The following C1D variants were observed in gnomAD, a reference collection of about 807,000 sequenced individuals.
C1D encodes C1D nuclear receptor corepressor, also known as nuclear nucleic acid-binding protein C1D.
Under a neutral mutation model 17.5 loss-of-function variants are expected in C1D, and 10 were observed. The observed-to-expected ratio is 0.57, with a 90% CI of 0.35 to 0.97. C1D has a LOEUF of 0.97. Ranked by LOEUF, C1D falls within the 50% of genes least tolerant of loss-of-function variation. The probability of loss-of-function intolerance (pLI) is 0.01; values close to 1 mark genes in which losing one functional copy is unlikely to be tolerated. For synonymous variants in C1D, 49 were observed against 54.0 expected, an observed-to-expected ratio of 0.91 and a Z score of 0.40; for missense variants, 136 against 160.1, an observed-to-expected ratio of 0.85 and a Z score of 0.81.
intron 1 of C1D, among the ~76,000 whole-genome samples, chr2:68,055,846 T>C (rs1035893553): frequency 1.1e-4 from 17 of 152,196 alleles, no homozygotes; most frequent in Non-Finnish European, 1.8e-4. Context: ...ATTATTTCTA[T>C]AGTGAAATTA....
At chr2:68,047,130 GT>G (rs1671149219) in intron 2 of C1D, 42 bp downstream of exon 2, 2 of 1,543,148 alleles carry the variant, frequency 1.3e-6, no homozygotes, top group South Asian at 2.4e-5. Context: ...ATAGCATTCT[GT>G]TTTATGAAAT....
chr2:68,049,189 T>C (rs377191536), intron 1 of C1D, among the ~76,000 whole-genome samples: 61 of 146,936 alleles, frequency 4.2e-4, no homozygotes, highest in African/African-American at 1.5e-3. Flanking sequence ...AGAGTTAGAC[T>C]GTCTCTCAAA....
intron 1 of C1D, among the ~76,000 whole-genome samples, chr2:68,058,677 T>C (rs111822254): frequency 2.6e-5 from 4 of 152,292 alleles, no homozygotes; most frequent in African/African-American, 9.6e-5. Context: ...AAATCTTTAA[T>C]ACAACATATA....
chr2:68,046,604 T>C (rs1332992701), intron 2 of C1D, 194 bp from the exon 3 acceptor site: 1 of 507,900 alleles, frequency 2.0e-6, no homozygotes, highest in Non-Finnish European at 3.5e-6. Context: ...AATGAGTGAC[T>C]TTTGTCCACA....
chr2:68,045,799 T>C lies in C1D; in HGVS notation c.261+189A>G, dbSNP rs573441210. Reference sequence around the variant, plus strand: ...TAACATTTTCCCATTCCGAGATTTATATAATATATGGAATACCAATTATCT... The same window carrying C: ...TAACATTTTCCCATTCCGAGATTTACATAATATATGGAATACCAATTATCT... On this transcript the variant is annotated intron_variant, in intron 4 of 4. Transcript: ENST00000410067. Among the ~76,000 whole-genome samples, 274 of 152,098 alleles carry C rather than the reference T, an allele frequency of 1.8e-3. No homozygotes were observed. Among genetic ancestry groups the C allele is most frequent in the Admixed American group, 5.9e-3 (90 of 15,290 alleles).
At chr2:68,056,133 A>C (rs1236001405) in intron 1 of C1D, among the ~76,000 whole-genome samples, 1 of 152,166 alleles carries the variant, frequency 6.6e-6, no homozygotes, top group Non-Finnish European at 1.5e-5. Context: ...TATCACAAAA[A>C]TCCTTTTGAG....
chr2:68,057,983 C>A (rs1009488111), intron 1 of C1D, among the ~76,000 whole-genome samples: 6 of 152,228 alleles, frequency 3.9e-5, no homozygotes, highest in Non-Finnish European at 7.3e-5. Flanking sequence ...TGCCCCCAGC[C>A]AACCATTCTA....
chr2:68,058,601 T>C (rs1405789106), intron 1 of C1D, among the ~76,000 whole-genome samples: 2 of 152,140 alleles, frequency 1.3e-5, no homozygotes, highest in Non-Finnish European at 2.9e-5. Flanking sequence ...GGAACTCAAA[T>C]CGAATGGAGG....
intron 1 of C1D, among the ~76,000 whole-genome samples, chr2:68,059,183 G>A (rs1213121697): frequency 1.3e-5 from 2 of 152,172 alleles, no homozygotes; most frequent in Non-Finnish European, 2.9e-5. Flanking sequence ...GAGCTTCCAT[G>A]TTCTTTTAAA....
At chr2:68,054,587 CA>C (rs1671384678) in intron 1 of C1D, among the ~76,000 whole-genome samples, 1 of 152,012 alleles carries the variant, frequency 6.6e-6, no homozygotes, top group South Asian at 2.1e-4. Context: ...ATCATAGCTT[CA>C]AAATACTTTC....
intron 1 of C1D, chr2:68,053,023 T>C: frequency 1.9e-6 from 3 of 1,547,142 alleles, no homozygotes; most frequent in Non-Finnish European, 1.7e-6. Context: ...TGCCTAAAGT[T>C]GTACATGTTA....
intron 1 of C1D, among the ~76,000 whole-genome samples, chr2:68,056,681 C>A (rs1206415657): frequency 3.9e-5 from 6 of 152,066 alleles, no homozygotes; most frequent in Non-Finnish European, 8.8e-5. Context: ...CTCAGCCTTA[C>A]TGATAATTAA....
At chr2:68,056,489 A>G (rs1056887096) in intron 1 of C1D, among the ~76,000 whole-genome samples, 1 of 152,048 alleles carries the variant, frequency 6.6e-6, no homozygotes, top group Admixed American at 6.5e-5. Context: ...ATAAACAAAC[A>G]CCCAAGACTA....
chr2:68,044,638 G>A (rs1671066366), intron 4 of C1D, among the ~76,000 whole-genome samples: 1 of 152,046 alleles, frequency 6.6e-6, no homozygotes, highest in Non-Finnish European at 1.5e-5. Context: ...AACCCGGGAG[G>A]TGGAGCTTGC....
chr2:68,044,552 C>CA (rs370322240), intron 4 of C1D, among the ~76,000 whole-genome samples: 3,573 of 152,000 alleles, frequency 0.024, 152 homozygotes, highest in African/African-American at 0.081. Context: ...ACTGAAAATA[C>CA]AAAAAATTAG....
chr2:68,042,838 G>GGGA lies in C1D; in HGVS notation c.*50_*51insTCC. On this transcript the variant is annotated 3_prime_UTR_variant, in exon 5 of 5. Coordinates refer to ENST00000410067, the MANE Select transcript of C1D (RefSeq NM_173177.3). ...CACAGAATTATTTTGCGGGGGGGGGGGGGGGGGGGAAGATGTACTTTTTGA... is the reference window on the plus strand; with the variant it reads ...CACAGAATTATTTTGCGGGGGGGGGGGGAGGGGGGGGGAAGATGTACTTTTTGA... The GGGA allele has an allele frequency of 1.9e-5, 7 of 377,418 alleles. No individual in the cohort carries two copies. Among genetic ancestry groups the GGGA allele is most frequent in the South Asian group, 8.7e-5 (3 of 34,538 alleles). The allele number at this position is 377,418 out of a possible 1,614,324, so 23.4% of individuals were successfully genotyped here. A position where few individuals can be genotyped will look rare whatever the true frequency, so the allele number is the denominator to read the frequency against.
At chr2:68,043,603 A>C (rs1671032798) in intron 4 of C1D, among the ~76,000 whole-genome samples, 1 of 152,204 alleles carries the variant, frequency 6.6e-6, no homozygotes, top group Non-Finnish European at 1.5e-5. Context: ...GAAATTTTCT[A>C]ATAAAATATA....
At chr2:68,055,396 A>G (rs576898995) in intron 1 of C1D, among the ~76,000 whole-genome samples, 1 of 152,308 alleles carries the variant, frequency 6.6e-6, no homozygotes, top group East Asian at 1.9e-4. Context: ...ACCACAAGAA[A>G]GCAAACAAAT....
chr2:68,060,416 C>T (rs1173871727), intron 1 of C1D, among the ~76,000 whole-genome samples: 2 of 152,148 alleles, frequency 1.3e-5, no homozygotes, highest in African/African-American at 2.4e-5. Context: ...CTGAGACAGG[C>T]GGATCACCTG....
Sources: allele counts gnomAD v4.1 joint callset (sites outside exome capture counted in the v4.1 genomes callset), GRCh38; gene constraint gnomAD v4.1.1; transcripts MANE v1.5; gene names NCBI Gene and HGNC (gene_info 2026-07-23, HGNC 2026-07-21).